EPB41L2: variants seen among roughly 807,000 people sequenced by gnomAD.
EPB41L2 encodes band 4.1-like protein 2.
EPB41L2 carries 43 observed loss-of-function variants against 113.0 expected under a neutral mutation model. The observed-to-expected ratio is 0.38, with a 90% CI of 0.30 to 0.49. EPB41L2 has a LOEUF of 0.49. Among genes scored for constraint, EPB41L2 ranks in the 20% least tolerant of loss-of-function variants. The probability of loss-of-function intolerance (pLI) is 0.95; values close to 1 mark genes in which losing one functional copy is unlikely to be tolerated. For synonymous variants in EPB41L2, 442 were observed against 436.7 expected (o/e 1.01, Z -0.15); for missense variants, 1,147 against 1,223.4 (o/e 0.94, Z 0.93).
chr6:131,047,424 T>C (rs1017080237), intron 1 of EPB41L2, among the ~76,000 whole-genome samples: 1 of 152,218 alleles, frequency 6.6e-6, no homozygotes, highest in African/African-American at 2.4e-5. Flanking sequence ...ATGGTGCTTA[T>C]TGTTATCAAT....
intron 14 of EPB41L2, among the ~76,000 whole-genome samples, chr6:130,870,943 G>A (rs375393869): frequency 6.6e-6 from 1 of 152,072 alleles, no homozygotes; most frequent in East Asian, 1.9e-4. Context: ...GTTGGCAAAG[G>A]CTATATTATA....
At chr6:130,957,572 C>A (rs1817855653) in intron 1 of EPB41L2, among the ~76,000 whole-genome samples, 1 of 151,284 alleles carries the variant, frequency 6.6e-6, no homozygotes, top group Non-Finnish European at 1.5e-5. Flanking sequence ...AGACAAGAAA[C>A]ATGCTTGAGC....
At chr6:131,053,958 A>G (rs1401902206) in intron 1 of EPB41L2, among the ~76,000 whole-genome samples, 3 of 152,212 alleles carry the variant, frequency 2.0e-5, no homozygotes, top group Admixed American at 2.0e-4. Context: ...GGCCACAAAC[A>G]TGGAGTCAGG....
Position 130,884,463 on chromosome 6 carries a change from A to C in EPB41L2, c.1833+633T>G, listed in dbSNP as rs572774804. On this transcript the variant is annotated intron_variant, in intron 12 of 19. Coordinates refer to ENST00000337057, the MANE Select transcript of EPB41L2 (RefSeq NM_001431.4). ...CGCTTTGTGCAGACACAGAAAAGAG[A>C]TCTGAAGAATTCAAAGGCTTCTCAA... 2.4e-4 allele frequency among the ~76,000 whole-genome samples: 36 copies of C among 152,376 alleles called. No homozygotes were observed. The South Asian group carries it at 7.0e-3, about 30-fold the overall frequency.
At chr6:130,855,438 T>C (rs1779929585) in intron 19 of EPB41L2, among the ~76,000 whole-genome samples, 1 of 152,176 alleles carries the variant, frequency 6.6e-6, no homozygotes, top group Non-Finnish European at 1.5e-5. Context: ...GTACATTTAC[T>C]CAGGCCACTG....
At chr6:130,981,178 T>G (rs1779309595) in intron 1 of EPB41L2, among the ~76,000 whole-genome samples, 2 of 152,218 alleles carry the variant, frequency 1.3e-5, no homozygotes, top group Admixed American at 6.5e-5. Context: ...TTTAAACTCT[T>G]CTTACATAGT....
intron 8 of EPB41L2, 40 bp from the exon 9 acceptor site, chr6:130,895,159 G>GA: frequency 6.5e-7 from 1 of 1,549,278 alleles, no homozygotes; most frequent in African/African-American, 1.4e-5. Context: ...TAAGAGCTGT[G>GA]AAAGTTACAC....
At chr6:130,899,189 A>G (rs890351841) in intron 8 of EPB41L2, among the ~76,000 whole-genome samples, 2 of 151,730 alleles carry the variant, frequency 1.3e-5, no homozygotes, top group Non-Finnish European at 2.9e-5. Flanking sequence ...CAGAAGCTGC[A>G]ATGCAAAATA....
intron 1 of EPB41L2, among the ~76,000 whole-genome samples, chr6:131,033,379 T>C (rs536024374): frequency 4.0e-4 from 61 of 152,258 alleles, no homozygotes; most frequent in Admixed American, 1.0e-3. Context: ...CCTTGTAGAA[T>C]TGTCTGTTTG....
At chr6:130,937,202 T>C (rs1350605958) in intron 3 of EPB41L2, among the ~76,000 whole-genome samples, 1 of 152,212 alleles carries the variant, frequency 6.6e-6, no homozygotes, top group Non-Finnish European at 1.5e-5. Context: ...TCTATGTGTT[T>C]GGACAAATGT....
intron 3 of EPB41L2, among the ~76,000 whole-genome samples, chr6:130,954,012 TAATCCTCTTTTGCTAGTCCTTTTCTTTC>T (rs1816297641): frequency 6.7e-6 from 1 of 149,758 alleles, no homozygotes; most frequent in South Asian, 2.1e-4. Flanking sequence ...CAAGGATTTT[TAATCCTCTTTTGCTAGTCCTTTTCTTTC>T]TTTTTTTTTT....
At chr6:130,909,577 G>A (rs1798722415) in intron 4 of EPB41L2, among the ~76,000 whole-genome samples, 1 of 152,226 alleles carries the variant, frequency 6.6e-6, no homozygotes, top group Admixed American at 6.5e-5. Context: ...ATTCAAATAG[G>A]AAGAAAGGAA....
At chr6:131,007,402 T>C (rs941655298) in intron 1 of EPB41L2, among the ~76,000 whole-genome samples, 2 of 152,180 alleles carry the variant, frequency 1.3e-5, no homozygotes, top group Non-Finnish European at 2.9e-5. Flanking sequence ...TTTTAAAAAT[T>C]ACCCAGTCTT....
At chr6:131,057,239 A>G (rs1171763804) in intron 1 of EPB41L2, among the ~76,000 whole-genome samples, 2 of 152,144 alleles carry the variant, frequency 1.3e-5, no homozygotes, top group Non-Finnish European at 2.9e-5. Flanking sequence ...GTGCACACAC[A>G]CACAGAGATG....
intron 4 of EPB41L2, among the ~76,000 whole-genome samples, chr6:130,924,773 C>G (rs763305190): frequency 2.0e-4 from 31 of 152,162 alleles, no homozygotes; most frequent in Non-Finnish European, 2.6e-4. Context: ...CACAGCATCT[C>G]CAGTCTCTCC....
At position 130,864,449 on chromosome 6, in the gene EPB41L2, C is replaced by A. The variant is rs529273372; in HGVS notation, c.2830-731G>T. ...CGCATGGCTAGACAAAGGCTGCGAGCGGGGCTGGAGGAGGGAGCTCCTGGG... is the reference window on the plus strand; with the variant it reads ...CGCATGGCTAGACAAAGGCTGCGAGAGGGGCTGGAGGAGGGAGCTCCTGGG... On this transcript the variant is annotated intron_variant, in intron 17 of 19. Transcript: ENST00000337057. 2.0e-5 allele frequency among the ~76,000 whole-genome samples: 3 copies of A among 152,248 alleles called. No homozygotes were observed. The South Asian group carries it at 6.2e-4, about 32-fold the overall frequency.
At chr6:131,057,715 T>C (rs976228267) in intron 1 of EPB41L2, among the ~76,000 whole-genome samples, 2 of 152,206 alleles carry the variant, frequency 1.3e-5, no homozygotes, top group African/African-American at 4.8e-5. Context: ...AAGGGTAACA[T>C]AAGTTTTTAA....
chr6:130,925,480 C>T (rs761871527), intron 4 of EPB41L2, among the ~76,000 whole-genome samples: 12 of 152,076 alleles, frequency 7.9e-5, no homozygotes, highest in Non-Finnish European at 1.6e-4. Flanking sequence ...TGAACCACCA[C>T]GCTTAGCCCA....
intron 3 of EPB41L2, among the ~76,000 whole-genome samples, chr6:130,933,958 T>C (rs564054829): frequency 6.6e-6 from 1 of 152,072 alleles, no homozygotes; most frequent in Non-Finnish European, 1.5e-5. Flanking sequence ...GAGACGATGA[T>C]GGGAAGCGCA....
Sources: allele counts gnomAD v4.1 joint callset (sites outside exome capture counted in the v4.1 genomes callset), GRCh38; gene constraint gnomAD v4.1.1; transcripts MANE v1.5; gene names NCBI Gene and HGNC (gene_info 2026-07-23, HGNC 2026-07-21).